Variants in TERF2IP observed in about 807,000 individuals in gnomAD.
The protein encoded by TERF2IP is telomeric repeat-binding factor 2-interacting protein 1.
A neutral mutation model predicts 33.3 loss-of-function variants in TERF2IP; 35 were observed. The ratio of observed to expected loss-of-function variants is 1.05; its 90% CI spans 0.80 to 1.39. The LOEUF (loss-of-function observed/expected upper bound fraction) is 1.39. Ranked by LOEUF, TERF2IP falls within the 40% of genes most tolerant of loss-of-function variation. TERF2IP has a pLI of 0.00. For synonymous variants in TERF2IP, 253 were observed against 223.2 expected (o/e 1.13, Z -1.19); for missense variants, 583 against 524.8 (o/e 1.11, Z -1.08).
At chr16:75,649,012 C>G (rs962692800) in intron 1 of TERF2IP, among the ~76,000 whole-genome samples, 2 of 151,634 alleles carry the variant, frequency 1.3e-5, no homozygotes, top group Admixed American at 6.6e-5. Context: ...CACTCCCGCG[C>G]CACCACGTCC....
intron 1 of TERF2IP, 35 bp from the exon 2 acceptor site, chr16:75,654,238 C>T (rs748935667): frequency 2.0e-5 from 31 of 1,540,106 alleles, no homozygotes; most frequent in Non-Finnish European, 2.6e-5. Context: ...GTAAAAGAGG[C>T]TATTGCTAAT....
intron 1 of TERF2IP, among the ~76,000 whole-genome samples, chr16:75,651,847 A>G (rs555755387): frequency 2.6e-5 from 4 of 152,172 alleles, no homozygotes; most frequent in Non-Finnish European, 5.9e-5. Flanking sequence ...ATTATACAAA[A>G]TAGAACAAAA....
At chr16:75,652,041 C>T (rs1409468118) in intron 1 of TERF2IP, among the ~76,000 whole-genome samples, 2 of 152,132 alleles carry the variant, frequency 1.3e-5, no homozygotes, top group Non-Finnish European at 2.9e-5. Context: ...TTGACAATAT[C>T]TGATGACATT....
Position 75,654,361 on chromosome 16 carries a change from G to A in TERF2IP, c.759G>A (p.Met253Ile), listed in dbSNP as rs2082369075. ...AGAATGAAGAAGCAGTCAAAAAGAT[G>A]CTTGTGGAAGCCACCCGGGAGTTTG... is the stretch of plus-strand genomic sequence containing the variant. ...IQENEEAVKK[M>I]LVEATREFEE... The change falls in exon 2 of 3, where the codon ATG (methionine) becomes ATA (isoleucine). Residue 253 changes from methionine to isoleucine, a missense_variant. Coordinates refer to ENST00000300086, the MANE Select transcript of TERF2IP (RefSeq NM_018975.4). 4 of 1,613,894 alleles carry A rather than the reference G, an allele frequency of 2.5e-6. No individual in the cohort carries two copies. The East Asian group carries it at 8.9e-5, about 36-fold the overall frequency.
intron 1 of TERF2IP, 125 bp from the exon 2 acceptor site, chr16:75,654,148 T>G (rs1413745892): frequency 3.6e-6 from 1 of 276,834 alleles, no homozygotes; most frequent in Non-Finnish European, 5.4e-6. Flanking sequence ...CTTCTGATAG[T>G]AAAAAAAAAA....
Position 75,648,095 on chromosome 16 carries a change from G to A in TERF2IP, c.213G>A (p.Leu71=), listed in dbSNP as rs2082315022. ...TGCTGGCCCAGCCCGGGGAGGCGCT[G>A]GCCGAGGCCTCGGGTGATTTCATCT... ...AVLLAQPGEA[L]AEASGDFIST... The change falls in exon 1 of 3, where the codon CTG becomes CTA. Residue 71 remains leucine, a synonymous_variant. Transcript: ENST00000300086. The A allele has an allele frequency of 6.4e-7, 1 of 1,561,932 alleles. No homozygotes were observed. The highest frequency in any genetic ancestry group is 1.4e-5 in the African/African-American group (1 of 73,766).
intron 1 of TERF2IP, among the ~76,000 whole-genome samples, chr16:75,649,217 T>G (rs962740672): frequency 6.6e-6 from 1 of 152,160 alleles, no homozygotes; most frequent in African/African-American, 2.4e-5. Flanking sequence ...ATTGACATGG[T>G]TCTATATTCA....
rs568180789 is a variant in TERF2IP, at chr16:75,647,787, C to T, written c.-96C>T. The T allele has an allele frequency of 5.9e-4, 930 of 1,575,614 alleles. 4 individuals carry two copies. In the African/African-American group the frequency reaches 0.011, roughly 19 times the overall value. ...TGCGCAGGCCCAGTGCTGCGCTTCG[C>T]GGCAGAGGCGTCTGCGGTGACAGCT... On this transcript the variant is annotated 5_prime_UTR_variant, in exon 1 of 3. Transcript: ENST00000300086.
chr16:75,650,684 C>T (rs1023540789), intron 1 of TERF2IP, among the ~76,000 whole-genome samples: 19 of 152,208 alleles, frequency 1.2e-4, no homozygotes, highest in Admixed American at 9.2e-4. Flanking sequence ...TACAGGCACT[C>T]GTCACCATAC....
At position 75,656,510 on chromosome 16, in the gene TERF2IP, G is replaced by A. The variant is rs1399299201; in HGVS notation, c.1099G>A (p.Asp367Asn). ...DGYPIWSRQD[D>N]IDLQKDDEDT... is the part of the protein sequence containing the mutation. ...ATATCCCATTTGGTCCCGACAAGAT[G>A]ACATAGATTTGCAAAAAGATGATGA... Residue 367 changes from aspartate (D) to asparagine (N), a missense_variant, in exon 3 of 3, where the codon GAC becomes AAC. Asp to Asn is a conservative substitution (Grantham distance 23). Coordinates refer to ENST00000300086, the MANE Select transcript of TERF2IP (RefSeq NM_018975.4). The A allele has an allele frequency of 1.9e-6, 3 of 1,614,208 alleles. No individual in the cohort carries two copies. The highest frequency in any genetic ancestry group is 2.2e-5 in the South Asian group (2 of 91,084).
chr16:75,656,400 C>T lies in TERF2IP; in HGVS notation c.989C>T (p.Ser330Leu), dbSNP rs1567511351. 6.2e-7 allele frequency: 1 copy of T among 1,614,154 alleles called. No homozygotes were observed. Among genetic ancestry groups the T allele is most frequent in the Non-Finnish European group, 8.5e-7 (1 of 1,180,026 alleles). Reference protein sequence around the residue: ...QLMEKFNLDLSTVTQAFLKNS... With the variant: ...QLMEKFNLDLLTVTQAFLKNS... ...ATGGAGAAGTTTAACTTGGATCTAT[C>T]AACAGTTACACAGGCCTTCCTAAAA... The change falls in exon 3 of 3, where the codon TCA becomes TTA. Residue 330 changes from serine (S) to leucine (L), a missense_variant. By Grantham distance (145) the Ser-to-Leu change is moderately radical. Transcript: ENST00000300086.
rs760050914 is a variant in TERF2IP, at chr16:75,656,326, A to C, written c.915A>C (p.Lys305Asn). ...PDEEEEEEEE[K>N]VSQPEVGAAI... The stretch of plus-strand genomic sequence containing the variant: ...AGGAGGAAGAAGAAGAAGAAGAAAA[A>C]GTTTCTCAACCAGAGGTGGGAGCTG... Residue 305 changes from lysine to asparagine, a missense_variant, in exon 3 of 3, where the codon AAA becomes AAC. By Grantham distance (94) the Lys-to-Asn change is moderately conservative. Transcript: ENST00000300086. 82 of 1,614,082 alleles carry C rather than the reference A, an allele frequency of 5.1e-5. No individual in the cohort carries two copies. The highest frequency in any genetic ancestry group is 6.4e-5 in the Non-Finnish European group (76 of 1,180,034).
At chr16:75,654,215 A>G (rs1043908101) in intron 1 of TERF2IP, 58 bp from the exon 2 acceptor site, 11 of 1,439,858 alleles carry the variant, frequency 7.6e-6, no homozygotes, top group Middle Eastern at 4.2e-4. Flanking sequence ...CAGCAAATAT[A>G]TTTTTGGTTT....
intron 1 of TERF2IP, among the ~76,000 whole-genome samples, chr16:75,652,964 T>C (rs1353965561): frequency 6.6e-6 from 1 of 152,214 alleles, no homozygotes; most frequent in Non-Finnish European, 1.5e-5. Context: ...GCCTTCTGTT[T>C]CTATGAATTC....
Position 75,647,936 on chromosome 16 carries a change from G to C in TERF2IP, c.54G>C (p.Ser18=), listed in dbSNP as rs149371533. 1 of 1,612,960 alleles carries C rather than the reference G, an allele frequency of 6.2e-7. No individual in the cohort carries two copies. Among genetic ancestry groups the C allele is most frequent in the Admixed American group, 1.7e-5 (1 of 59,922 alleles). ...GKDPNGPTHS[S]TLFVRDDGSS... ...ACCCCAACGGGCCCACCCATTCCTC[G>C]ACTCTGTTCGTGAGGGACGACGGCA... The change falls in exon 1 of 3, where the codon TCG becomes TCC. Residue 18 remains serine (S), a synonymous_variant. Coordinates refer to ENST00000300086, the MANE Select transcript of TERF2IP (RefSeq NM_018975.4).
chr16:75,653,301 A>G (rs748367354), intron 1 of TERF2IP, among the ~76,000 whole-genome samples: 11 of 152,204 alleles, frequency 7.2e-5, no homozygotes, highest in Non-Finnish European at 1.3e-4. Flanking sequence ...TTGCTGGATC[A>G]TATGGTAATT....
rs903161727 is a variant in TERF2IP at position 75,654,295 on chromosome 16, A to G, written c.693A>G (p.Pro231=). 2 of 1,613,776 alleles carry G rather than the reference A, an allele frequency of 1.2e-6. No individual in the cohort carries two copies. The highest frequency in any genetic ancestry group is 1.7e-6 in the Non-Finnish European group (2 of 1,179,794). Residue 231 remains proline (P), a synonymous_variant, in exon 2 of 3, where the codon CCA becomes CCG. Transcript: ENST00000300086. The part of the protein sequence containing the change: ...DSGEPQNKRT[P]DLPEEEYVKE... ...CAGAACCACAGAATAAGAGAACTCC[A>G]GATTTGCCTGAAGAAGAGTATGTGA... is the stretch of plus-strand genomic sequence containing the variant.
rs1483617225 is a variant in TERF2IP at position 75,648,303 on chromosome 16, G to T, written c.421G>T (p.Asp141Tyr). Residue 141 changes from aspartate (D) to tyrosine (Y), a missense_variant, in exon 1 of 3, where the codon GAC becomes TAC. Asp to Tyr is a radical substitution (Grantham distance 160). Coordinates refer to ENST00000300086, the MANE Select transcript of TERF2IP (RefSeq NM_018975.4). ...GCGGATCGCCTTCACGGATGCGGAC[G>T]ACGTAGCCATCCTTACCTACGTGAA... ...AGRIAFTDAD[D>Y]VAILTYVKEN... The T allele has an allele frequency of 6.4e-7, 1 of 1,556,256 alleles. No individual in the cohort carries two copies. Among genetic ancestry groups the T allele is most frequent in the South Asian group, 1.2e-5 (1 of 84,542 alleles).
rs34359798 is a variant in TERF2IP at position 75,654,148 on chromosome 16, T to TAAAA, written c.671-103_671-100dup. The TAAAA allele has an allele frequency of 1.4e-3, 400 of 290,342 alleles. 2 individuals carry two copies. Among genetic ancestry groups the TAAAA allele is most frequent in the African/African-American group, 1.0e-2 (235 of 23,572 alleles). 18.0% of individuals were successfully genotyped at this position (290,342 alleles called of 1,614,324 possible). On this transcript the variant is annotated intron_variant, in intron 1 of 2. Transcript: ENST00000300086. The stretch of plus-strand genomic sequence containing the variant: ...ATCAAGAACAGATGTCTTCTGATAG[T>TAAAA]AAAAAAAAAAAAAAAAAAAAAAAAA...
Sources: gnomAD v4.1 joint callset for allele counts (sites outside exome capture counted in the v4.1 genomes callset) on GRCh38, gnomAD v4.1.1 for gene constraint, MANE v1.5 for transcripts, NCBI Gene and HGNC (gene_info 2026-07-23, HGNC 2026-07-21) for gene names.